The following SHROOM2 variants were observed in gnomAD, a reference collection of about 807,000 sequenced individuals.
SHROOM2 encodes the protein protein Shroom2.
Under a neutral mutation model 75.9 loss-of-function variants are expected in SHROOM2, and 33 were observed. The observed-to-expected ratio is 0.43, with a 90% CI of 0.33 to 0.58. The LOEUF (loss-of-function observed/expected upper bound fraction) is 0.58, where lower values mean the gene tolerates loss of function less well. Among genes scored for constraint, SHROOM2 ranks in the 20% least tolerant of loss-of-function variants. The pLI, the probability that SHROOM2 is intolerant of heterozygous loss-of-function variation, is 0.04. For synonymous variants in SHROOM2, 655 were observed against 663.6 expected (o/e 0.99, Z 0.20); for missense variants, 1,434 against 1,461.2 (o/e 0.98, Z 0.30).
intron 1 of SHROOM2, among the ~76,000 whole-genome samples, chrX:9,833,067 G>A (rs1049591505): frequency 2.7e-5 from 3 of 110,641 alleles, no homozygotes; most frequent in Admixed American, 1.9e-4. Flanking sequence ...GTCTTCTCGC[G>A]TCCTTGTGGA....
chrX:9,806,278 A>G (rs1400790794), intron 1 of SHROOM2, among the ~76,000 whole-genome samples: 1 of 110,822 alleles, frequency 9.0e-6, no homozygotes, highest in Non-Finnish European at 1.9e-5. Flanking sequence ...CAGCAGGCAC[A>G]TCGCTGGGGC....
chrX:9,837,394 G>A (rs750592259), intron 1 of SHROOM2, among the ~76,000 whole-genome samples: 5 of 112,808 alleles, frequency 4.4e-5, no homozygotes, highest in East Asian at 5.6e-4. Flanking sequence ...AATTATTGTC[G>A]TGTGAGCAAA....
At chrX:9,823,096 T>C (rs2083866185) in intron 1 of SHROOM2, among the ~76,000 whole-genome samples, 1 of 88,425 alleles carries the variant, frequency 1.1e-5, no homozygotes, top group South Asian at 9.1e-4. Flanking sequence ...CTCCTCCTCC[T>C]TCTCCCTTCT....
chrX:9,932,618 C>T lies in SHROOM2; in HGVS notation c.3335C>T (p.Ser1112Phe). ...GTGTATGTGGCCCGCCTGTCCCTCT[C>T]CCACAGCCCCTCTGTGTTCAGCAGT... ...LDVYVARLSL[S>F]HSPSVFSSAQ... is the part of the protein sequence containing the mutation. The change falls in exon 6 of 10, where the codon TCC (serine) becomes TTC (phenylalanine). Residue 1112 changes from serine (S) to phenylalanine (F), a missense_variant. This residue lies in a region of SHROOM2 where 1,340 missense variants were observed against 1,338.3 expected (regional missense o/e 1.00). Transcript: ENST00000380913. 1 of 1,211,389 alleles carries T rather than the reference C, an allele frequency of 8.3e-7. No homozygotes were observed. The highest frequency in any genetic ancestry group is 1.1e-6 in the Non-Finnish European group (1 of 895,159).
intron 1 of SHROOM2, among the ~76,000 whole-genome samples, chrX:9,855,748 C>T (rs890280717): frequency 1.8e-5 from 2 of 111,626 alleles, no homozygotes; most frequent in Non-Finnish European, 3.8e-5. Context: ...TCGGGTGTGT[C>T]AGCCGCCTTG....
intron 1 of SHROOM2, among the ~76,000 whole-genome samples, chrX:9,815,799 T>A (rs1327303682): frequency 1.8e-5 from 2 of 110,429 alleles, no homozygotes; most frequent in African/African-American, 6.6e-5. Flanking sequence ...CCTTTTCACG[T>A]CTTTCTGTCT....
At chrX:9,918,759 G>A (rs1209299853) in intron 5 of SHROOM2, among the ~76,000 whole-genome samples, 1 of 111,804 alleles carries the variant, frequency 8.9e-6, no homozygotes, top group African/African-American at 3.3e-5. Flanking sequence ...CAAAGTGCTG[G>A]GATTACACGC....
chrX:9,842,158 T>C (rs751231742), intron 1 of SHROOM2, among the ~76,000 whole-genome samples: 1 of 111,930 alleles, frequency 8.9e-6, no homozygotes, highest in South Asian at 3.7e-4. Context: ...AGGTTGTAAA[T>C]TTTTCATTTA....
At chrX:9,906,239 T>G (rs1166449083) in intron 5 of SHROOM2, among the ~76,000 whole-genome samples, 1 of 111,619 alleles carries the variant, frequency 9.0e-6, no homozygotes, top group Non-Finnish European at 1.9e-5. Context: ...AATAGGCACA[T>G]CCGTAGATAG....
intron 5 of SHROOM2, among the ~76,000 whole-genome samples, chrX:9,921,123 G>T (rs1031335451): frequency 4.5e-5 from 5 of 110,937 alleles, no homozygotes; most frequent in Non-Finnish European, 7.5e-5. Context: ...GGAGGCCTCA[G>T]TTCCTCCCCA....
chrX:9,806,508 G>GTATA (rs60887374), intron 1 of SHROOM2, among the ~76,000 whole-genome samples: 2 of 102,315 alleles, frequency 2.0e-5, no homozygotes, highest in African/African-American at 7.3e-5. Flanking sequence ...ATATGTGTGT[G>GTATA]TATATATATA....
At chrX:9,790,625 C>A (rs2083642352) in intron 1 of SHROOM2, among the ~76,000 whole-genome samples, 1 of 111,490 alleles carries the variant, frequency 9.0e-6, no homozygotes, top group Admixed American at 9.6e-5. Flanking sequence ...GCTTTACTCA[C>A]TTTTTGATGC....
At position 9,947,304 on chromosome X, in the gene SHROOM2, A is replaced by G. The variant is rs2084830372; in HGVS notation, c.*367A>G. ...CAGATGCTGAGCCAACTGCTTGGAC[A>G]GCAGCCAGCGCGTCATGACGTGCAT... On this transcript the variant is annotated 3_prime_UTR_variant, in exon 10 of 10. Coordinates refer to ENST00000380913, the MANE Select transcript of SHROOM2 (RefSeq NM_001649.4). 1.9e-5 allele frequency: 4 copies of G among 207,003 alleles called. No homozygotes were observed. The South Asian group carries it at 4.8e-4, about 25-fold the overall frequency. The allele number at this position is 207,003 out of a possible 1,213,427, so 17.1% of individuals were successfully genotyped here.
At chrX:9,790,884 A>C (rs1485466243) in intron 1 of SHROOM2, among the ~76,000 whole-genome samples, 4 of 110,730 alleles carry the variant, frequency 3.6e-5, no homozygotes, top group Non-Finnish European at 7.5e-5. Flanking sequence ...TTTGGGCAAG[A>C]GTGTGGAGTC....
intron 1 of SHROOM2, among the ~76,000 whole-genome samples, chrX:9,848,775 G>A (rs73474506): frequency 9.1e-6 from 1 of 110,156 alleles, no homozygotes; most frequent in African/African-American, 3.3e-5. Context: ...ATGGGGACAT[G>A]CAGGTGTATC....
rs375430450 is a variant in SHROOM2, at chrX:9,894,715, G to A, written c.807G>A (p.Pro269=). Residue 269 remains proline, a synonymous_variant, in exon 4 of 10, where the codon CCG becomes CCA. Transcript: ENST00000380913. Reference sequence around the variant, plus strand: ...CGGAGGAGAAGCTCAGTTGTTTCCCGCCCAGGGTCCCCGGTGACAGCGGCA... The same window carrying A: ...CGGAGGAGAAGCTCAGTTGTTTCCCACCCAGGGTCCCCGGTGACAGCGGCA... The part of the protein sequence containing the change: ...QGSEEKLSCF[P]PRVPGDSGKG... The A allele has an allele frequency of 1.2e-4, 149 of 1,209,265 alleles. No homozygotes were observed. Among genetic ancestry groups the A allele is most frequent in the Non-Finnish European group, 1.6e-4 (140 of 894,561 alleles).
intron 1 of SHROOM2, among the ~76,000 whole-genome samples, chrX:9,822,278 A>G (rs2083857177): frequency 9.1e-6 from 1 of 109,585 alleles, no homozygotes; most frequent in South Asian, 4.0e-4. Flanking sequence ...CTGAGGAGCT[A>G]GTGGCAGCCT....
intron 2 of SHROOM2, among the ~76,000 whole-genome samples, chrX:9,877,957 C>T (rs957223677): frequency 9.0e-6 from 1 of 111,420 alleles, no homozygotes; most frequent in African/African-American, 3.3e-5. Context: ...CTGTTGCTGT[C>T]TTCTCTCTGA....
At chrX:9,835,402 C>T (rs1340194538) in intron 1 of SHROOM2, among the ~76,000 whole-genome samples, 3 of 112,477 alleles carry the variant, frequency 2.7e-5, no homozygotes, top group Admixed American at 1.9e-4. Flanking sequence ...GCAGCAGCAG[C>T]GTCATCCCCT....
Sources: gnomAD v4.1 joint callset for allele counts (sites outside exome capture counted in the v4.1 genomes callset) on GRCh38, gnomAD v4.1.1 for gene constraint, gnomAD v4.1.1 regional missense constraint, MANE v1.5 for transcripts, NCBI Gene and HGNC (gene_info 2026-07-23, HGNC 2026-07-21) for gene names.